Variants in PLCXD3 observed in about 807,000 individuals in gnomAD.
The protein encoded by PLCXD3 is phosphatidylinositol specific phospholipase C X domain containing 3.
PLCXD3 carries 19 observed loss-of-function variants against 25.5 expected under a neutral mutation model. The ratio of observed to expected loss-of-function variants is 0.75; its 90% CI spans 0.52 to 1.09. The LOEUF (loss-of-function observed/expected upper bound fraction) is 1.09. Among genes scored for constraint, PLCXD3 ranks in the 50% least tolerant of loss-of-function variants. The pLI is 0.00. For missense variants in PLCXD3, 411 were observed against 388.1 expected (o/e 1.06, Z -0.50); for synonymous variants, 174 against 137.6 (o/e 1.26, Z -1.85).
At chr5:41,394,642 C>CA (rs931663104) in intron 1 of PLCXD3, among the ~76,000 whole-genome samples, 15 of 150,286 alleles carry the variant, frequency 1.0e-4, no homozygotes, top group African/African-American at 2.2e-4. Flanking sequence ...CCAATGGAAA[C>CA]AAAAAAAAGA....
rs182087477 is a variant in PLCXD3, at chr5:41,463,832, T to C, written c.103+46592A>G. ...GGCCTTTACCTTCCTTGTTTCCTTC[T>C]TTTCTGCCAATCATAGCATCACTTT... On this transcript the variant is annotated intron_variant, in intron 1 of 2. Transcript: ENST00000377801. Among the ~76,000 whole-genome samples the C allele has an allele frequency of 1.1e-3, 167 of 152,106 alleles. 1 individual carries two copies. In the Middle Eastern group the frequency reaches 0.034, roughly 31 times the overall value.
chr5:41,353,390 C>T (rs1417162959), intron 2 of PLCXD3, among the ~76,000 whole-genome samples: 3 of 151,922 alleles, frequency 2.0e-5, no homozygotes, highest in Admixed American at 6.6e-5. Context: ...CGTGGGCTAC[C>T]GTGCCCTGCC....
chr5:41,405,929 T>C (rs1435223748), intron 1 of PLCXD3, among the ~76,000 whole-genome samples: 1 of 152,138 alleles, frequency 6.6e-6, no homozygotes, highest in East Asian at 1.9e-4. Context: ...CAAAATGCCA[T>C]TGATGACTAC....
intron 2 of PLCXD3, among the ~76,000 whole-genome samples, chr5:41,378,315 G>T (rs1460942750): frequency 6.6e-6 from 1 of 152,026 alleles, no homozygotes; most frequent in Admixed American, 6.6e-5. Flanking sequence ...CTTTGCAAAT[G>T]GTTAAAAAGG....
intron 1 of PLCXD3, among the ~76,000 whole-genome samples, chr5:41,426,313 TTTTAA>T (rs138671383): frequency 0.1 from 15,619 of 152,128 alleles, 1,003 homozygotes; most frequent in Admixed American, 0.17. Flanking sequence ...CTTAATTGTA[TTTTAA>T]TTTGTTTATA....
chr5:41,503,016 T>G (rs1561292615), intron 1 of PLCXD3, among the ~76,000 whole-genome samples: 1 of 152,090 alleles, frequency 6.6e-6, no homozygotes, highest in Admixed American at 6.6e-5. Context: ...ACGGGTCACA[T>G]AGGTGTGTGT....
intron 1 of PLCXD3, among the ~76,000 whole-genome samples, chr5:41,501,130 A>G (rs1436995266): frequency 1.3e-5 from 2 of 152,024 alleles, no homozygotes; most frequent in African/African-American, 4.8e-5. Flanking sequence ...TGCAGCCTCT[A>G]TGGAGAACAG....
chr5:41,329,318 G>A (rs192467979), intron 2 of PLCXD3, among the ~76,000 whole-genome samples: 1 of 152,290 alleles, frequency 6.6e-6, no homozygotes, highest in East Asian at 1.9e-4. Flanking sequence ...TTTGATCAAT[G>A]TCTGTCTCCC....
intron 1 of PLCXD3, among the ~76,000 whole-genome samples, chr5:41,496,917 A>G (rs1257309412): frequency 3.3e-5 from 5 of 151,966 alleles, no homozygotes; most frequent in Non-Finnish European, 7.4e-5. Context: ...TATGAAAAAT[A>G]TAACTTATGA....
intron 2 of PLCXD3, among the ~76,000 whole-genome samples, chr5:41,319,503 G>A (rs1341807349): frequency 1.3e-5 from 2 of 152,124 alleles, no homozygotes; most frequent in African/African-American, 4.8e-5. Flanking sequence ...GTACGCTCCT[G>A]AATGACCAGT....
intron 2 of PLCXD3, among the ~76,000 whole-genome samples, chr5:41,344,859 A>G (rs1221739005): frequency 6.6e-6 from 1 of 152,170 alleles, no homozygotes; most frequent in Admixed American, 6.5e-5. Context: ...TTCAATATAT[A>G]TGTATTGCCC....
Position 41,382,399 on chromosome 5 carries a change from T to C in PLCXD3, c.239A>G (p.Gln80Arg), listed in dbSNP as rs1745497575. The change falls in exon 2 of 3, where the codon CAG becomes CGG. Residue 80 changes from glutamine (Q) to arginine (R), a missense_variant. Physicochemically the swap from Gln to Arg is conservative, Grantham distance 43 (BLOSUM62 1). Transcript: ENST00000377801. The stretch of plus-strand genomic sequence containing the variant: ...TAGCTGGCCAGTAAAATTCATTGTC[T>C]GAGTGGCTAACCATTTCCGCATGAG... ...KKLMRKWLAT[Q>R]TMNFTGQLGA... The C allele has an allele frequency of 6.2e-7, 1 of 1,613,464 alleles. No individual in the cohort carries two copies. Among genetic ancestry groups the C allele is most frequent in the African/African-American group, 1.3e-5 (1 of 74,894 alleles).
intron 2 of PLCXD3, among the ~76,000 whole-genome samples, chr5:41,362,767 C>G (rs1744823848): frequency 6.6e-6 from 1 of 152,134 alleles, no homozygotes. Flanking sequence ...ATCAACCAAC[C>G]ATGTAGTTTA....
chr5:41,488,019 A>T (rs1199092836), intron 1 of PLCXD3, among the ~76,000 whole-genome samples: 2 of 148,678 alleles, frequency 1.3e-5, no homozygotes, highest in South Asian at 2.2e-4. Context: ...TGCACCCATT[A>T]ACTCGTCATT....
intron 2 of PLCXD3, among the ~76,000 whole-genome samples, chr5:41,372,041 CT>C (rs1233687022): frequency 3.3e-5 from 5 of 152,104 alleles, no homozygotes; most frequent in African/African-American, 1.2e-4. Flanking sequence ...GTAAATATCC[CT>C]GCTGCCTAGA....
chr5:41,440,945 T>C lies in PLCXD3; in HGVS notation c.104-58411A>G, dbSNP rs1238705845. Among the ~76,000 whole-genome samples the C allele has an allele frequency of 3.3e-5, 5 of 152,208 alleles. No individual in the cohort carries two copies. The East Asian group carries it at 9.6e-4, about 29-fold the overall frequency. ...ATGAGATCAGGCTATCAGAATGAGC[T>C]ACCTAGGAGTCTCGGAAAGTTAGTG... is the stretch of plus-strand genomic sequence containing the variant. On this transcript the variant is annotated intron_variant, in intron 1 of 2. Transcript: ENST00000377801.
intron 1 of PLCXD3, among the ~76,000 whole-genome samples, chr5:41,487,416 A>C (rs1248157070): frequency 6.6e-6 from 1 of 152,206 alleles, no homozygotes; most frequent in East Asian, 1.9e-4. Context: ...GAGTCTTTCT[A>C]TGCTTATTTT....
intron 2 of PLCXD3, among the ~76,000 whole-genome samples, chr5:41,378,412 A>G (rs891952970): frequency 6.6e-6 from 1 of 152,104 alleles, no homozygotes; most frequent in Non-Finnish European, 1.5e-5. Context: ...CTGGCAAATT[A>G]TTTGTAAGTA....
At position 41,462,859 on chromosome 5, in the gene PLCXD3, T is replaced by A. The variant is rs142790831; in HGVS notation, c.103+47565A>T. On this transcript the variant is annotated intron_variant, in intron 1 of 2. Transcript: ENST00000377801. ...ATGATGCTGAGATGAGAATTAAAAC[T>A]GCCCATTTTCTTTGTCTTGGCCAAC... Among the ~76,000 whole-genome samples the A allele has an allele frequency of 9.3e-4, 142 of 152,100 alleles. 1 individual carries two copies. The East Asian group carries it at 0.016, about 17-fold the overall frequency.
Sources: gnomAD v4.1 joint callset for allele counts (sites outside exome capture counted in the v4.1 genomes callset) on GRCh38, gnomAD v4.1.1 for gene constraint, MANE v1.5 for transcripts, NCBI Gene and HGNC (gene_info 2026-07-23, HGNC 2026-07-21) for gene names.